EMC1: variants seen among roughly 807,000 people sequenced by gnomAD.
EMC1 encodes ER membrane protein complex subunit 1.
A neutral mutation model predicts 128.8 loss-of-function variants in EMC1; 103 were observed. That is an observed-to-expected ratio of 0.80 (90% CI 0.68 to 0.94). The LOEUF is 0.94. EMC1 is among the 40% of genes least tolerant of loss of function. The pLI is 0.00. For synonymous variants in EMC1, 442 were observed against 490.4 expected, an observed-to-expected ratio of 0.90 and a Z score of 1.30; for missense variants, 1,083 against 1,250.6, an observed-to-expected ratio of 0.87 and a Z score of 2.02.
In EMC1 at chr1:19,239,846, G is replaced by A. The variant is rs35951065; in HGVS notation, c.926C>T (p.Thr309Met). Reference protein sequence around the residue: ...HYALLQYHYGTLSLLKNFPQT... With the variant: ...HYALLQYHYGMLSLLKNFPQT... ...TGGGAAGTTTTTAAGCAAACTCAGC[G>A]TTCCATAATGGTACTGCAGCAGAGC... The change falls in exon 8 of 23, where the codon ACG becomes ATG. Residue 309 changes from threonine (T) to methionine (M), a missense_variant. By Grantham distance (81) the Thr-to-Met change is moderately conservative. Around this residue, in one of 3 missense-constraint regions of EMC1, gnomAD observed 544 missense variants for 572.4 expected, o/e 0.95. Coordinates refer to ENST00000477853, the MANE Select transcript of EMC1 (RefSeq NM_015047.3). The A allele has an allele frequency of 3.9e-3, 6,256 of 1,613,854 alleles. 150 individuals are homozygous for A. In the African/African-American group the frequency reaches 0.045, roughly 12 times the overall value.
chr1:19,233,408 C>A (rs183851872), intron 13 of EMC1, among the ~76,000 whole-genome samples: 1 of 152,336 alleles, frequency 6.6e-6, no homozygotes, highest in East Asian at 1.9e-4. Flanking sequence ...AGGGATCAGG[C>A]ATGCAGGAGA....
At chr1:19,231,177 T>TC (rs749953599) in intron 16 of EMC1, 84 bp downstream of exon 16, 31 of 1,453,476 alleles carry the variant, frequency 2.1e-5, no homozygotes, top group Non-Finnish European at 2.9e-5. Context: ...CAGAGAGCAC[T>TC]CCATCTCCGG....
At chr1:19,251,353 G>A (rs1022819358) in intron 1 of EMC1, 62 bp downstream of exon 1, 9 of 1,430,968 alleles carry the variant, frequency 6.3e-6, no homozygotes, top group Non-Finnish European at 7.9e-6. Flanking sequence ...CCTTTAGCAG[G>A]TAGGAGACAG....
chr1:19,239,998 AAGG>A lies in EMC1; in HGVS notation c.787-16_787-14del, dbSNP rs775527591. The A allele has an allele frequency of 4.4e-6, 7 of 1,606,830 alleles. No homozygotes were observed. The highest frequency in any genetic ancestry group is 2.2e-5 in the East Asian group (1 of 44,694). On this transcript the variant is annotated splice_polypyrimidine_tract_variant and intron_variant, in intron 7 of 22. Transcript: ENST00000477853. ...CTAAGTCGAGAGACTGGAAGGCAAG[AAGG>A]AGGAGGATTATGGCTAACAGCTGAC...
intron 15 of EMC1, among the ~76,000 whole-genome samples, chr1:19,231,983 C>T (rs868633673): frequency 1.3e-5 from 2 of 149,830 alleles, no homozygotes; most frequent in Non-Finnish European, 3.0e-5. Flanking sequence ...GCAACCTGGC[C>T]GGGCGTGGTG....
chr1:19,240,949 T>C (rs2093602118), intron 6 of EMC1, 67 bp downstream of exon 6: 2 of 1,571,686 alleles, frequency 1.3e-6, no homozygotes, highest in African/African-American at 2.7e-5. Context: ...TGTTCCCCAG[T>C]ACAAAGAAAT....
chr1:19,219,518 C>A (rs2093414802), intron 22 of EMC1, 36 bp from the exon 23 acceptor site: 1 of 1,613,912 alleles, frequency 6.2e-7, no homozygotes, highest in South Asian at 1.1e-5. Flanking sequence ...AGGAAAGAAA[C>A]AACCAATGAT....
chr1:19,244,095 C>A (rs1004944033), intron 2 of EMC1, 80 bp from the exon 3 acceptor site: 55 of 1,375,272 alleles, frequency 4.0e-5, no homozygotes, highest in Admixed American at 3.3e-4. Context: ...AAGAGCTCTT[C>A]ATTTGCACAG....
chr1:19,240,129 A>G (rs1016108874), intron 7 of EMC1, 144 bp from the exon 8 acceptor site: 1 of 1,201,768 alleles, frequency 8.3e-7, no homozygotes, highest in Admixed American at 2.6e-5. Flanking sequence ...CAAGTTCCCC[A>G]AAGAGGAAAG....
In EMC1 at chr1:19,239,246, G is replaced by A; in HGVS notation, c.1011C>T (p.Ala337=). The change falls in exon 9 of 23, where the codon GCC becomes GCT. Residue 337 remains alanine, a synonymous_variant. Transcript: ENST00000477853. ...CAATACTCACCACTTCATTCCGACA[G>A]GCCATGACTGCAGCCACCGTCTTCT... The part of the protein sequence containing the change: ...TGEKTVAAVM[A]CRNEVQKSSS... 1 of 1,614,086 alleles carries A rather than the reference G, an allele frequency of 6.2e-7. No individual in the cohort carries two copies. The highest frequency in any genetic ancestry group is 8.5e-7 in the Non-Finnish European group (1 of 1,179,942).
chr1:19,245,818 G>A (rs572033834), intron 1 of EMC1, among the ~76,000 whole-genome samples: 23 of 151,484 alleles, frequency 1.5e-4, no homozygotes, highest in African/African-American at 5.3e-4. Flanking sequence ...GTAGACATGG[G>A]GTTTCACCAT....
intron 12 of EMC1, among the ~76,000 whole-genome samples, 170 bp downstream of exon 12, chr1:19,236,967 CAAAAA>C (rs35897979): frequency 1.7e-5 from 1 of 58,360 alleles, no homozygotes. Context: ...GACTCTATCT[CAAAAA>C]AAAAAAAAAA....
intron 13 of EMC1, 107 bp downstream of exon 13, chr1:19,235,023 A>C: frequency 2.9e-6 from 4 of 1,365,984 alleles, no homozygotes; most frequent in Non-Finnish European, 4.0e-6. Flanking sequence ...AAGACTAGCA[A>C]TCTGCCCAGC....
chr1:19,233,162 C>T (rs771065445), intron 13 of EMC1, 27 bp from the exon 14 acceptor site: 3 of 1,584,150 alleles, frequency 1.9e-6, no homozygotes, highest in South Asian at 2.3e-5. Flanking sequence ...GTAACATACT[C>T]TACATCAGAC....
Position 19,240,388 on chromosome 1 carries a change from T to C in EMC1, c.695A>G (p.Glu232Gly). Reference sequence around the variant, plus strand: ...CGGGTCAGGACACACCAGGACAGCCTCATCCACCACACCACAGGCTCCAGA... The same window carrying C: ...CGGGTCAGGACACACCAGGACAGCCCCATCCACCACACCACAGGCTCCAGA... ...HLSGACGVVD[E>G]AVLVCPDPSS... Residue 232 changes from glutamate to glycine, a missense_variant, in exon 7 of 23, where the codon GAG becomes GGG. Physicochemically the swap from Glu to Gly is moderately conservative, Grantham distance 98. Transcript: ENST00000477853. The C allele has an allele frequency of 6.2e-7, 1 of 1,614,162 alleles. No homozygotes were observed.
At chr1:19,233,810 G>T (rs2093542419) in intron 13 of EMC1, among the ~76,000 whole-genome samples, 1 of 152,152 alleles carries the variant, frequency 6.6e-6, no homozygotes, top group Non-Finnish European at 1.5e-5. Context: ...CTCACTGCGG[G>T]GTAACACTGA....
intron 17 of EMC1, among the ~76,000 whole-genome samples, chr1:19,228,848 T>C (rs935804745): frequency 3.3e-5 from 5 of 152,016 alleles, no homozygotes; most frequent in Non-Finnish European, 5.9e-5. Flanking sequence ...GGTCAGGAGT[T>C]TGAGACCAGC....
intron 13 of EMC1, among the ~76,000 whole-genome samples, chr1:19,233,908 T>C (rs145956157): frequency 3.3e-5 from 5 of 152,168 alleles, no homozygotes; most frequent in South Asian, 4.1e-4. Flanking sequence ...CATCATACGA[T>C]GTACATAAAG....
chr1:19,226,333 T>TAGTAATAAGTACTACCACTAGTAATAA (rs1410823915), intron 18 of EMC1, among the ~76,000 whole-genome samples: 3 of 152,072 alleles, frequency 2.0e-5, no homozygotes, highest in Admixed American at 2.0e-4. Context: ...TAATAAGAGC[T>TAGTAATAAGTACTACCACTAGTAATAA]GGGCTAGGCG....
Sources: allele counts gnomAD v4.1 joint callset (sites outside exome capture counted in the v4.1 genomes callset), GRCh38; gene constraint gnomAD v4.1.1; regional missense constraint gnomAD v4.1.1; transcripts MANE v1.5; gene names NCBI Gene and HGNC (gene_info 2026-07-23, HGNC 2026-07-21).